SMC4: variants seen among roughly 807,000 people sequenced by gnomAD.
The protein encoded by SMC4 is structural maintenance of chromosomes protein 4.
SMC4 carries 87 observed loss-of-function variants against 145.6 expected under a neutral mutation model. The ratio of observed to expected loss-of-function variants is 0.60; its 90% CI spans 0.50 to 0.71. The LOEUF (loss-of-function observed/expected upper bound fraction) is 0.71. Ranked by LOEUF, SMC4 falls within the 30% of genes least tolerant of loss-of-function variation. The pLI is 0.00. For missense variants in SMC4, 1,447 were observed against 1,537.1 expected, an observed-to-expected ratio of 0.94 and a Z score of 0.98; for synonymous variants, 558 against 500.7, an observed-to-expected ratio of 1.11 and a Z score of -1.53.
Position 160,430,667 on chromosome 3 carries a change from T to G in SMC4, c.2864T>G (p.Val955Gly). 1 of 1,613,522 alleles carries G rather than the reference T, an allele frequency of 6.2e-7. No homozygotes were observed. Among genetic ancestry groups the G allele is most frequent in the Non-Finnish European group, 8.5e-7 (1 of 1,179,782 alleles). The change falls in exon 19 of 24, where the codon GTG (valine) becomes GGG (glycine). Residue 955 changes from valine to glycine, a missense_variant. Coordinates refer to ENST00000357388, the MANE Select transcript of SMC4 (RefSeq NM_001002800.3). ...EKEIKDTEKE[V>G]DDLTAELKSL... Reference sequence around the variant, plus strand: ...GAAATAAAAGATACTGAGAAAGAGGTGGATGACCTAACAGCAGAGCTGAAA... The same window carrying G: ...GAAATAAAAGATACTGAGAAAGAGGGGGATGACCTAACAGCAGAGCTGAAA...
At position 160,400,665 on chromosome 3, in the gene SMC4, G is replaced by A. The variant is rs140981914; in HGVS notation, c.-5-157G>A. 681 of 904,972 alleles carry A rather than the reference G, an allele frequency of 7.5e-4. 3 individuals are homozygous for A. The African/African-American group carries it at 0.011, about 14-fold the overall frequency. 56.1% of individuals were successfully genotyped at this position (904,972 alleles called of 1,614,324 possible). A position where few individuals can be genotyped will look rare whatever the true frequency, so the allele number is the denominator to read the frequency against. On this transcript the variant is annotated intron_variant, in intron 1 of 23. Transcript: ENST00000357388. The stretch of plus-strand genomic sequence containing the variant: ...AACCAGTCCTGCCTTCTTGCCACTC[G>A]TGTCTTTCGATGGCTCCCTTCCCGA...
chr3:160,411,836 ATTAT>A (rs1311906920), intron 5 of SMC4, 80 bp from the exon 6 acceptor site: 2 of 1,128,346 alleles, frequency 1.8e-6, no homozygotes, highest in Non-Finnish European at 2.5e-6. Context: ...TCTTGGCTTT[ATTAT>A]TTAACTGCTC....
chr3:160,411,902 T>C lies in SMC4; in HGVS notation c.688-18T>C. 6.2e-7 allele frequency: 1 copy of C among 1,608,446 alleles called. No homozygotes were observed. The highest frequency in any genetic ancestry group is 1.7e-4 in the Middle Eastern group (1 of 5,966). ...CTAAACATACACAGTGAGTATGAAA[T>C]ATAACTTTTTTTTAAAGGGTGAAGT... On this transcript the variant is annotated intron_variant, in intron 5 of 23. Coordinates refer to ENST00000357388, the MANE Select transcript of SMC4 (RefSeq NM_001002800.3).
At chr3:160,428,033 C>T (rs1163698420) in intron 17 of SMC4, among the ~76,000 whole-genome samples, 1 of 152,190 alleles carries the variant, frequency 6.6e-6, no homozygotes, top group Non-Finnish European at 1.5e-5. Flanking sequence ...ATGGCTTGAA[C>T]CTGGGAGGTG....
Position 160,402,794 on chromosome 3 carries a change from T to C in SMC4, c.437T>C (p.Ile146Thr). The C allele has an allele frequency of 6.2e-7, 1 of 1,608,752 alleles. No homozygotes were observed. Among genetic ancestry groups the C allele is most frequent in the Non-Finnish European group, 8.5e-7 (1 of 1,178,140 alleles). The change falls in exon 4 of 24, where the codon ATA becomes ACA. Residue 146 changes from isoleucine (I) to threonine (T), a missense_variant. Transcript: ENST00000357388. ...AGATCTAAAAAACTCTCAGTATTAA[T>C]ACATAATTCTGATGAACACAAGGAC... ...KIRSKKLSVL[I>T]HNSDEHKDIQ...
At chr3:160,432,954 T>C (rs2108507995) in intron 22 of SMC4, 72 bp from the exon 23 acceptor site, 7 of 1,027,604 alleles carry the variant, frequency 6.8e-6, no homozygotes, top group Non-Finnish European at 1.0e-5. Context: ...AACTCAATTA[T>C]GGAAAGCAAA....
At chr3:160,407,390 A>C (rs1715450479) in intron 5 of SMC4, among the ~76,000 whole-genome samples, 1 of 152,088 alleles carries the variant, frequency 6.6e-6, no homozygotes, top group Admixed American at 6.6e-5. Flanking sequence ...ATGTCTCTAT[A>C]GAAAATACAA....
chr3:160,423,818 T>C lies in SMC4; in HGVS notation c.2303T>C (p.Val768Ala). The C allele has an allele frequency of 6.2e-7, 1 of 1,613,294 alleles. No individual in the cohort carries two copies. Among genetic ancestry groups the C allele is most frequent in the Non-Finnish European group, 8.5e-7 (1 of 1,179,692 alleles). The change falls in exon 15 of 24, where the codon GTT becomes GCT. Residue 768 changes from valine (V) to alanine (A), a missense_variant. Coordinates refer to ENST00000357388, the MANE Select transcript of SMC4 (RefSeq NM_001002800.3). ...AAAGGAAGAATGGGTTCCTCACTTG[T>C]TATTGAAATCTCTGAAGAAGAGGTC... ...VMKGRMGSSLVIEISEEEVNK... is the reference protein window; with the variant it reads ...VMKGRMGSSLAIEISEEEVNK...
intron 12 of SMC4, among the ~76,000 whole-genome samples, chr3:160,420,174 C>T (rs1717017883): frequency 6.6e-6 from 1 of 152,140 alleles, no homozygotes; most frequent in South Asian, 2.1e-4. Context: ...TTAGCTGAAA[C>T]CTCAAATTGG....
chr3:160,421,008 C>G, intron 13 of SMC4, 107 bp downstream of exon 13: 1 of 833,442 alleles, frequency 1.2e-6, no homozygotes, highest in Admixed American at 3.4e-5. Flanking sequence ...TGGCTCACTG[C>G]AAGCTCCGCC....
At chr3:160,406,296 C>A (rs1715319867) in intron 5 of SMC4, among the ~76,000 whole-genome samples, 2 of 151,998 alleles carry the variant, frequency 1.3e-5, no homozygotes, top group South Asian at 2.1e-4. Context: ...AGATAAGGAC[C>A]TTAGGAACTC....
At position 160,423,550 on chromosome 3, in the gene SMC4, C is replaced by T. The variant is rs747559911; in HGVS notation, c.2145C>T (p.Thr715=). The T allele has an allele frequency of 1.9e-6, 3 of 1,613,540 alleles. No homozygotes were observed. Among genetic ancestry groups the T allele is most frequent in the Non-Finnish European group, 2.5e-6 (3 of 1,179,832 alleles). ...CTTTTTATTTTGCTTTACGAGATAC[C>T]TTAGTAGCTGACAACTTGGATCAAG... is the stretch of plus-strand genomic sequence containing the variant. ...RQAFYFALRD[T]LVADNLDQAT... The change falls in exon 14 of 24, where the codon ACC becomes ACT. Residue 715 remains threonine (T), a synonymous_variant. Transcript: ENST00000357388.
At position 160,430,675 on chromosome 3, in the gene SMC4, C is replaced by A. The variant is rs1352246181; in HGVS notation, c.2872C>A (p.Leu958Ile). Residue 958 changes from leucine to isoleucine, a missense_variant, in exon 19 of 24, where the codon CTA (leucine) becomes ATA (isoleucine). Physicochemically the swap from Leu to Ile is conservative, Grantham distance 5. Coordinates refer to ENST00000357388, the MANE Select transcript of SMC4 (RefSeq NM_001002800.3). Reference protein sequence around the residue: ...IKDTEKEVDDLTAELKSLEDK... With the variant: ...IKDTEKEVDDITAELKSLEDK... ...AGATACTGAGAAAGAGGTGGATGAC[C>A]TAACAGCAGAGCTGAAAAGTCTTGA... The A allele has an allele frequency of 7.4e-6, 12 of 1,613,608 alleles. No individual in the cohort carries two copies. The highest frequency in any genetic ancestry group is 1.3e-5 in the African/African-American group (1 of 74,994).
At chr3:160,423,009 G>C (rs1717350416) in intron 13 of SMC4, among the ~76,000 whole-genome samples, 1 of 152,110 alleles carries the variant, frequency 6.6e-6, no homozygotes, top group African/African-American at 2.4e-5. Flanking sequence ...GCTGGTATAG[G>C]ACACTGTCTT....
chr3:160,404,596 T>G, intron 5 of SMC4, 92 bp downstream of exon 5: 1 of 1,128,980 alleles, frequency 8.9e-7, no homozygotes, highest in Non-Finnish European at 1.4e-6. Flanking sequence ...TTTTGAGGCC[T>G]TAAAGTACTG....
intron 8 of SMC4, 117 bp downstream of exon 8, chr3:160,413,730 G>T: frequency 1.6e-6 from 1 of 617,622 alleles, no homozygotes; most frequent in South Asian, 2.7e-5. Flanking sequence ...CATATCAAGT[G>T]GTGGCCCCCT....
At position 160,425,019 on chromosome 3, in the gene SMC4, G is replaced by GGTATGT. The variant is rs1553774862; in HGVS notation, c.2478+3_2478+8dup. The stretch of plus-strand genomic sequence containing the variant: ...TAGAAAAATTTACTGCAAGCATCCA[G>GGTATGT]GTATGTGTGTGTGTGTGTGTGTGTG... On this transcript the variant is annotated inframe_insertion and splice_region_variant. Coordinates refer to ENST00000357388, the MANE Select transcript of SMC4 (RefSeq NM_001002800.3). The GGTATGT allele has an allele frequency of 8.2e-7, 1 of 1,223,304 alleles. No individual in the cohort carries two copies. Among genetic ancestry groups the GGTATGT allele is most frequent in the Non-Finnish European group, 1.1e-6 (1 of 901,670 alleles). 75.8% of individuals were successfully genotyped at this position (1,223,304 alleles called of 1,614,324 possible).
chr3:160,427,132 C>G (rs1309931980), intron 17 of SMC4, among the ~76,000 whole-genome samples: 5 of 152,140 alleles, frequency 3.3e-5, no homozygotes, highest in African/African-American at 1.2e-4. Context: ...ATCTGCATTT[C>G]TAATATTCAG....
intron 23 of SMC4, 85 bp downstream of exon 23, chr3:160,433,294 T>C: frequency 1.0e-6 from 1 of 959,238 alleles, no homozygotes; most frequent in Non-Finnish European, 1.6e-6. Flanking sequence ...TTTCTTACAA[T>C]TGAGCTTTTT....
Sources: allele counts gnomAD v4.1 joint callset (sites outside exome capture counted in the v4.1 genomes callset), GRCh38; gene constraint gnomAD v4.1.1; transcripts MANE v1.5; gene names NCBI Gene and HGNC (gene_info 2026-07-23, HGNC 2026-07-21).